Variants in HS3ST4 observed in about 807,000 individuals in gnomAD.
HS3ST4 encodes heparan sulfate glucosamine 3-O-sulfotransferase 4.
In HS3ST4, 17 loss-of-function variants were observed where a neutral mutation model predicts 29.2. That is an observed-to-expected ratio of 0.58 (90% CI 0.40 to 0.87). The LOEUF is 0.87. HS3ST4 is among the 40% of genes least tolerant of loss of function. HS3ST4 has a pLI of 0.00. For missense variants in HS3ST4, 627 were observed against 634.5 expected (o/e 0.99, Z 0.13); for synonymous variants, 314 against 285.7 (o/e 1.10, Z -1.00).
chr16:25,751,760 C>T (rs555086333), intron 1 of HS3ST4, among the ~76,000 whole-genome samples: 12 of 152,088 alleles, frequency 7.9e-5, no homozygotes, highest in Non-Finnish European at 1.8e-4. Flanking sequence ...TCCTGTTTTC[C>T]ACTGCTATTT....
intron 1 of HS3ST4, among the ~76,000 whole-genome samples, chr16:25,837,084 G>T (rs527591993): frequency 1.3e-5 from 2 of 152,218 alleles, no homozygotes; most frequent in African/African-American, 4.8e-5. Context: ...CGCAGTTCAT[G>T]GATGATTTCC....
At chr16:25,711,056 C>G (rs974096851) in intron 1 of HS3ST4, among the ~76,000 whole-genome samples, 1 of 151,956 alleles carries the variant, frequency 6.6e-6, no homozygotes, top group Non-Finnish European at 1.5e-5. Flanking sequence ...CTCCTGGCCT[C>G]AAGCGATCTT....
intron 1 of HS3ST4, among the ~76,000 whole-genome samples, chr16:25,877,176 C>T (rs1280140045): frequency 6.6e-6 from 1 of 152,104 alleles, no homozygotes; most frequent in East Asian, 1.9e-4. Context: ...GCTCCTCCTA[C>T]TCAGTGATTG....
chr16:25,750,764 T>G (rs528780469), intron 1 of HS3ST4, among the ~76,000 whole-genome samples: 189 of 152,332 alleles, frequency 1.2e-3, no homozygotes, highest in African/African-American at 4.1e-3. Flanking sequence ...GCCTGCATAG[T>G]ATCAGCCTCT....
chr16:25,860,779 C>G (rs1596594053), intron 1 of HS3ST4, among the ~76,000 whole-genome samples: 1 of 152,162 alleles, frequency 6.6e-6, no homozygotes, highest in South Asian at 2.1e-4. Flanking sequence ...CTGTATGATA[C>G]TACGATGGTG....
At chr16:26,016,971 A>C (rs1450404646) in intron 1 of HS3ST4, among the ~76,000 whole-genome samples, 1 of 152,214 alleles carries the variant, frequency 6.6e-6, no homozygotes, top group Non-Finnish European at 1.5e-5. Flanking sequence ...ATTCAGCCAC[A>C]GTCAATCAAG....
At chr16:25,771,379 C>T (rs112275172) in intron 1 of HS3ST4, among the ~76,000 whole-genome samples, 30 of 152,218 alleles carry the variant, frequency 2.0e-4, no homozygotes, top group African/African-American at 6.5e-4. Context: ...CTGCTGTTCC[C>T]CATCCAGTGC....
rs59740575 is a variant in HS3ST4 at position 25,794,896 on chromosome 16, TACACACACACACACACAC to T, written c.734+101771_734+101788del. On this transcript the variant is annotated intron_variant, in intron 1 of 1. Coordinates refer to ENST00000331351, the MANE Select transcript of HS3ST4 (RefSeq NM_006040.3). ...TATGTGGTAAACCTTTACTCAAGAA[TACACACACACACACACAC>T]ACACACACACACACACACACACACA... Among the ~76,000 whole-genome samples, 404 of 136,682 alleles carry T rather than the reference TACACACACACACACACAC, an allele frequency of 3.0e-3. 2 individuals are homozygous for T. The highest frequency in any genetic ancestry group is 7.9e-3 in the African/African-American group (281 of 35,458). The allele number at this position is 136,682 out of a possible 152,430, so 89.7% of individuals were successfully genotyped here.
intron 1 of HS3ST4, among the ~76,000 whole-genome samples, chr16:25,871,157 A>G (rs1050959125): frequency 2.6e-5 from 4 of 152,190 alleles, no homozygotes; most frequent in African/African-American, 9.7e-5. Flanking sequence ...TGAAGGAAAA[A>G]GGCAGCGGGG....
intron 1 of HS3ST4, among the ~76,000 whole-genome samples, chr16:26,105,400 C>T (rs11862735): frequency 0.13 from 20,188 of 152,180 alleles, 1,381 homozygotes; most frequent in Admixed American, 0.19. Context: ...ATACTATGCT[C>T]ATTTCCTGGG....
intron 1 of HS3ST4, among the ~76,000 whole-genome samples, chr16:25,868,028 G>A (rs1967713642): frequency 6.6e-6 from 1 of 152,162 alleles, no homozygotes; most frequent in African/African-American, 2.4e-5. Flanking sequence ...CCTTCAGAGT[G>A]TTCTTTTAAG....
intron 1 of HS3ST4, among the ~76,000 whole-genome samples, chr16:26,081,151 G>A (rs1275613867): frequency 6.6e-6 from 1 of 152,080 alleles, no homozygotes; most frequent in Non-Finnish European, 1.5e-5. Context: ...GCTGGACACT[G>A]TGGCGTTTTC....
intron 1 of HS3ST4, among the ~76,000 whole-genome samples, chr16:25,791,781 C>A (rs951128144): frequency 6.6e-6 from 1 of 151,958 alleles, no homozygotes; most frequent in Non-Finnish European, 1.5e-5. Flanking sequence ...ACTGTATATT[C>A]TTTTGTATTT....
intron 1 of HS3ST4, among the ~76,000 whole-genome samples, chr16:26,007,079 G>A (rs1969265600): frequency 6.6e-6 from 1 of 152,182 alleles, no homozygotes; most frequent in Non-Finnish European, 1.5e-5. Flanking sequence ...TAATAGCTTG[G>A]AGATTTCATA....
intron 1 of HS3ST4, among the ~76,000 whole-genome samples, chr16:26,126,273 C>A (rs1596690963): frequency 6.6e-6 from 1 of 152,092 alleles, no homozygotes; most frequent in South Asian, 2.1e-4. Context: ...AGGAATTTTC[C>A]CATATCCAGA....
At chr16:25,759,876 C>T (rs1156552482) in intron 1 of HS3ST4, among the ~76,000 whole-genome samples, 2 of 151,840 alleles carry the variant, frequency 1.3e-5, no homozygotes, top group South Asian at 4.2e-4. Flanking sequence ...GGTGACAAAG[C>T]AAGACCCTGT....
At chr16:25,882,931 T>G (rs1275646272) in intron 1 of HS3ST4, among the ~76,000 whole-genome samples, 7 of 152,176 alleles carry the variant, frequency 4.6e-5, no homozygotes, top group African/African-American at 1.7e-4. Context: ...TCATTCCTGT[T>G]CTACTGCTCT....
At chr16:25,969,992 A>G (rs754638264) in intron 1 of HS3ST4, among the ~76,000 whole-genome samples, 2 of 152,260 alleles carry the variant, frequency 1.3e-5, no homozygotes, top group Non-Finnish European at 2.9e-5. Flanking sequence ...TGCCTAGAGC[A>G]GTGGCTGGCA....
chr16:25,867,186 T>A (rs113062527), intron 1 of HS3ST4, among the ~76,000 whole-genome samples: 13 of 151,184 alleles, frequency 8.6e-5, no homozygotes, highest in African/African-American at 3.0e-4. Context: ...AAACCTTATG[T>A]CCACCCCAGA....
Sources: gnomAD v4.1 joint callset for allele counts (sites outside exome capture counted in the v4.1 genomes callset) on GRCh38, gnomAD v4.1.1 for gene constraint, MANE v1.5 for transcripts, NCBI Gene and HGNC (gene_info 2026-07-23, HGNC 2026-07-21) for gene names.